FNDC3B: variants seen among roughly 807,000 people sequenced by gnomAD.
The protein encoded by FNDC3B is fibronectin type III domain-containing protein 3B.
A neutral mutation model predicts 151.5 loss-of-function variants in FNDC3B; 12 were observed. That is an observed-to-expected ratio of 0.08 (90% CI 0.05 to 0.13). The LOEUF (loss-of-function observed/expected upper bound fraction) is 0.13, where lower values mean the gene tolerates loss of function less well. FNDC3B is among the 10% of genes least tolerant of loss of function. The probability of loss-of-function intolerance (pLI) is 1.00; values close to 1 mark genes in which losing one functional copy is unlikely to be tolerated. For synonymous variants in FNDC3B, 528 were observed against 549.0 expected (o/e 0.96, Z 0.54); for missense variants, 1,214 against 1,505.3 (o/e 0.81, Z 3.20).
intron 1 of FNDC3B, among the ~76,000 whole-genome samples, chr3:172,042,508 T>G (rs1413381654): frequency 6.6e-6 from 1 of 152,232 alleles, no homozygotes; most frequent in African/African-American, 2.4e-5. Context: ...GACGAAAGTT[T>G]AATACAGGAT....
intron 1 of FNDC3B, among the ~76,000 whole-genome samples, chr3:172,053,465 C>T (rs1716768510): frequency 6.6e-6 from 1 of 152,102 alleles, no homozygotes; most frequent in African/African-American, 2.4e-5. Flanking sequence ...CTCAACCTGT[C>T]TATTGTCTAG....
intron 21 of FNDC3B, among the ~76,000 whole-genome samples, chr3:172,350,089 G>A (rs1733790830): frequency 6.6e-6 from 1 of 152,136 alleles, no homozygotes; most frequent in East Asian, 1.9e-4. Flanking sequence ...TATAAAAGTA[G>A]TACACAATAA....
At chr3:172,067,326 A>G (rs568717134) in intron 1 of FNDC3B, among the ~76,000 whole-genome samples, 1 of 152,298 alleles carries the variant, frequency 6.6e-6, no homozygotes, top group African/African-American at 2.4e-5. Flanking sequence ...TGCTTTTTGA[A>G]GTCTTACTAC....
chr3:172,387,959 C>T (rs1469414339), intron 25 of FNDC3B, among the ~76,000 whole-genome samples: 2 of 152,204 alleles, frequency 1.3e-5, no homozygotes, highest in East Asian at 3.8e-4. Context: ...GCCTGGTAGG[C>T]ATAGCAGGGG....
chr3:172,117,860 T>C (rs1720341973), intron 2 of FNDC3B, among the ~76,000 whole-genome samples: 1 of 152,212 alleles, frequency 6.6e-6, no homozygotes, highest in South Asian at 2.1e-4. Flanking sequence ...CTGAGTGTTT[T>C]TAATGCTTCT....
chr3:172,307,422 C>T lies in FNDC3B; in HGVS notation c.1121C>T (p.Thr374Ile). Residue 374 changes from threonine to isoleucine, a missense_variant, in exon 10 of 26, where the codon ACC (threonine) becomes ATC (isoleucine). By Grantham distance (89) the Thr-to-Ile change is moderately conservative. Coordinates refer to ENST00000415807, the MANE Select transcript of FNDC3B (RefSeq NM_022763.4). The part of the protein sequence containing the change: ...GSCSEPVSFT[T>I]HSCAPECPFP... ...TGCTCCGAGCCTGTTAGCTTCACCA[C>T]CCACAGCTGTGCACCCGAGTGTCCT... is the stretch of plus-strand genomic sequence containing the variant. The T allele has an allele frequency of 6.2e-7, 1 of 1,614,080 alleles. No homozygotes were observed. The highest frequency in any genetic ancestry group is 8.5e-7 in the Non-Finnish European group (1 of 1,179,948).
At chr3:172,369,829 C>T (rs377373957) in intron 23 of FNDC3B, among the ~76,000 whole-genome samples, 13 of 152,232 alleles carry the variant, frequency 8.5e-5, no homozygotes, top group East Asian at 7.7e-4. Context: ...AGAGTGAGGG[C>T]GAATACTATC....
intron 3 of FNDC3B, among the ~76,000 whole-genome samples, chr3:172,209,518 G>A (rs1033891315): frequency 4.6e-5 from 7 of 152,250 alleles, no homozygotes; most frequent in Non-Finnish European, 5.9e-5. Flanking sequence ...GTGATGAGTC[G>A]CTGAGTCTGG....
intron 1 of FNDC3B, among the ~76,000 whole-genome samples, chr3:172,084,663 GA>G (rs1718461558): frequency 6.6e-6 from 1 of 152,192 alleles, no homozygotes; most frequent in Admixed American, 6.5e-5. Flanking sequence ...TTATTTTATG[GA>G]TAACGAAACT....
At chr3:172,166,147 GA>G (rs1221101869) in intron 3 of FNDC3B, among the ~76,000 whole-genome samples, 1 of 152,090 alleles carries the variant, frequency 6.6e-6, no homozygotes, top group Non-Finnish European at 1.5e-5. Context: ...TTACATTGGT[GA>G]AAAAAGTCAT....
intron 3 of FNDC3B, among the ~76,000 whole-genome samples, chr3:172,215,782 A>C (rs7619745): frequency 6.6e-6 from 1 of 152,146 alleles, no homozygotes; most frequent in Non-Finnish European, 1.5e-5. Context: ...TCGACTTTTA[A>C]TGAGCAATCT....
At chr3:172,149,261 A>T (rs1330388435) in intron 3 of FNDC3B, among the ~76,000 whole-genome samples, 1 of 152,230 alleles carries the variant, frequency 6.6e-6, no homozygotes, top group Non-Finnish European at 1.5e-5. Flanking sequence ...TACAGTAAAA[A>T]ATCAATTAAC....
chr3:172,297,764 G>A (rs564365760), intron 8 of FNDC3B, among the ~76,000 whole-genome samples: 17 of 108,124 alleles, frequency 1.6e-4, no homozygotes, highest in East Asian at 5.1e-4. Context: ...GTGAGCCACC[G>A]CGCCCGGCCT....
intron 21 of FNDC3B, among the ~76,000 whole-genome samples, chr3:172,351,742 G>A (rs1733866180): frequency 6.6e-6 from 1 of 152,216 alleles, no homozygotes; most frequent in Non-Finnish European, 1.5e-5. Flanking sequence ...ATGGCCTGGA[G>A]AGGGGTATGA....
chr3:172,157,550 C>T (rs1722554200), intron 3 of FNDC3B, among the ~76,000 whole-genome samples: 1 of 152,180 alleles, frequency 6.6e-6, no homozygotes, highest in African/African-American at 2.4e-5. Flanking sequence ...TATAGCCACT[C>T]CCCTTTCTTC....
chr3:172,274,607 A>G (rs1263873771), intron 6 of FNDC3B, among the ~76,000 whole-genome samples: 1 of 152,200 alleles, frequency 6.6e-6, no homozygotes, highest in East Asian at 1.9e-4. Context: ...GTGTATTGGT[A>G]TGTGATGACT....
Position 172,285,568 on chromosome 3 carries a change from A to G in FNDC3B, c.791-358A>G, listed in dbSNP as rs186295983. ...TGGAATAACCATTGTCTCTTCAACCACATCTTATTACTCTCAGTTTCCAGG... is the reference window on the plus strand; with the variant it reads ...TGGAATAACCATTGTCTCTTCAACCGCATCTTATTACTCTCAGTTTCCAGG... On this transcript the variant is annotated intron_variant, in intron 6 of 25. Transcript: ENST00000415807. Among the ~76,000 whole-genome samples, 5 of 152,278 alleles carry G rather than the reference A, an allele frequency of 3.3e-5. No individual in the cohort carries two copies. In the East Asian group the frequency reaches 9.6e-4, roughly 29 times the overall value.
Position 172,283,235 on chromosome 3 carries a change from A to AT in FNDC3B, c.791-2684dup, listed in dbSNP as rs1294827915. Among the ~76,000 whole-genome samples the AT allele has an allele frequency of 4.6e-5, 7 of 151,886 alleles. No individual in the cohort carries two copies. The South Asian group carries it at 6.2e-4, about 14-fold the overall frequency. On this transcript the variant is annotated intron_variant, in intron 6 of 25. Coordinates refer to ENST00000415807, the MANE Select transcript of FNDC3B (RefSeq NM_022763.4). ...ACTCATTTTTTTTGACTTTGGACAG[A>AT]TTTTTTTATTATTATTCCTTTTAAT...
At chr3:172,221,335 G>T (rs1329989743) in intron 3 of FNDC3B, among the ~76,000 whole-genome samples, 1 of 152,170 alleles carries the variant, frequency 6.6e-6, no homozygotes, top group Non-Finnish European at 1.5e-5. Context: ...GATGAAAGTG[G>T]ACATCCTTGT....
Sources: gnomAD v4.1 joint callset for allele counts (sites outside exome capture counted in the v4.1 genomes callset) on GRCh38, gnomAD v4.1.1 for gene constraint, MANE v1.5 for transcripts, NCBI Gene and HGNC (gene_info 2026-07-23, HGNC 2026-07-21) for gene names.